The following BTG4 variants were observed in gnomAD, a reference collection of about 807,000 sequenced individuals.
BTG4 encodes protein BTG4.
A neutral mutation model predicts 19.3 loss-of-function variants in BTG4; 10 were observed. The ratio of observed to expected loss-of-function variants is 0.52; its 90% CI spans 0.32 to 0.88. The LOEUF (loss-of-function observed/expected upper bound fraction) is 0.88. Among genes scored for constraint, BTG4 ranks in the 40% least tolerant of loss-of-function variants. BTG4 has a pLI of 0.04. For synonymous variants in BTG4, 91 were observed against 95.7 expected, an observed-to-expected ratio of 0.95 and a Z score of 0.29; for missense variants, 238 against 281.9, an observed-to-expected ratio of 0.84 and a Z score of 1.11.
chr11:111,424,114 A>G, the BTG4 span, among the ~76,000 whole-genome samples: 1 of 152,176 alleles, frequency 6.6e-6, no homozygotes, highest in Non-Finnish European at 1.5e-5. Context: ...CGCAAGAAAC[A>G]TGTTCTTCAG....
At chr11:111,512,899 C>A, upstream of BTG4, 1 of 429,708 alleles carries the variant, frequency 2.3e-6, no homozygotes, top group Non-Finnish European at 4.8e-6. Flanking sequence ...CCCGCGTCGG[C>A]GCTGCGGACC....
At chr11:111,407,130 T>C in the BTG4 span, among the ~76,000 whole-genome samples, 2 of 149,194 alleles carry the variant, frequency 1.3e-5, no homozygotes, top group East Asian at 3.9e-4. Flanking sequence ...ATATACTATA[T>C]ATTATTATAT....
chr11:111,513,871 TAA>T (rs1867116709), upstream of BTG4, among the ~76,000 whole-genome samples: 1 of 152,198 alleles, frequency 6.6e-6, no homozygotes, highest in Non-Finnish European at 1.5e-5. Flanking sequence ...TTCGAAAGAA[TAA>T]AGTGCCATAA....
At chr11:111,496,892 G>GAAAAA in intron 4 of BTG4, 4 of 293,442 alleles carry the variant, frequency 1.4e-5, no homozygotes, top group Non-Finnish European at 1.9e-5. Flanking sequence ...TCAATTGACA[G>GAAAAA]AAAAAAAAAT....
At chr11:111,418,957 G>T in the BTG4 span, among the ~76,000 whole-genome samples, 1 of 152,202 alleles carries the variant, frequency 6.6e-6, no homozygotes, top group African/African-American at 2.4e-5. Context: ...CAGCGGGGTT[G>T]TTTCTTCTGG....
At chr11:111,401,872 G>A in the BTG4 span, among the ~76,000 whole-genome samples, 1 of 152,198 alleles carries the variant, frequency 6.6e-6, no homozygotes, top group African/African-American at 2.4e-5. Flanking sequence ...GTGAATGAAT[G>A]AATGAATGAA....
chr11:111,506,288 A>G (rs1591534270), intron 1 of BTG4, among the ~76,000 whole-genome samples: 1 of 152,190 alleles, frequency 6.6e-6, no homozygotes, highest in East Asian at 1.9e-4. Context: ...ACAATGGAAT[A>G]CTACACAATC....
At chr11:111,499,961 G>T (rs1047065489) in intron 1 of BTG4, among the ~76,000 whole-genome samples, 8 of 151,962 alleles carry the variant, frequency 5.3e-5, no homozygotes, top group African/African-American at 1.9e-4. Context: ...GGCCAACATG[G>T]TGAAACCCCG....
the BTG4 span, chr11:111,385,714 A>G: frequency 1.3e-5 from 2 of 152,218 alleles, no homozygotes; most frequent in African/African-American, 4.8e-5. Flanking sequence ...ATATCTAAAC[A>G]TTTGATAAAG....
the BTG4 span, chr11:111,416,082 C>T: frequency 0.029 from 4,485 of 152,284 alleles, 99 homozygotes; most frequent in Middle Eastern, 0.13. Flanking sequence ...AACATGGCAG[C>T]TCCTTTGTTG....
chr11:111,413,427 C>G, the BTG4 span, among the ~76,000 whole-genome samples: 68 of 152,252 alleles, frequency 4.5e-4, no homozygotes, highest in Non-Finnish European at 1.2e-4. Context: ...TTGGTGAATG[C>G]CCACATAGCA....
intron 5 of BTG4, among the ~76,000 whole-genome samples, chr11:111,484,654 CA>C (rs79451207): frequency 6.6e-6 from 1 of 151,512 alleles, no homozygotes; most frequent in African/African-American, 2.4e-5. Flanking sequence ...GATACACACA[CA>C]AAAAAAAAGG....
the BTG4 span, among the ~76,000 whole-genome samples, chr11:111,395,158 C>T: frequency 6.6e-6 from 1 of 152,248 alleles, no homozygotes; most frequent in African/African-American, 2.4e-5. Flanking sequence ...TGGGCTTGGC[C>T]ATCCAGCAAC....
intron 5 of BTG4, among the ~76,000 whole-genome samples, chr11:111,472,827 G>A (rs531223568): frequency 6.6e-6 from 1 of 152,304 alleles, no homozygotes; most frequent in South Asian, 2.1e-4. Context: ...CTCACAGTAG[G>A]CTTGAGATGT....
the BTG4 span, among the ~76,000 whole-genome samples, chr11:111,424,695 C>T: frequency 6.6e-5 from 10 of 152,198 alleles, no homozygotes; most frequent in African/African-American, 9.7e-5. Flanking sequence ...TAGTGGCTGA[C>T]GCCTGTAATC....
the BTG4 span, chr11:111,451,322 T>A: frequency 4.7e-6 from 2 of 429,994 alleles, no homozygotes; most frequent in Non-Finnish European, 9.7e-6. Context: ...CCCAGCTCTA[T>A]GAGCAAAGCC....
the BTG4 span, among the ~76,000 whole-genome samples, chr11:111,438,520 A>C: frequency 6.6e-6 from 1 of 152,194 alleles, no homozygotes; most frequent in Non-Finnish European, 1.5e-5. Context: ...AGCGCTTACC[A>C]AATGTTGCCA....
chr11:111,451,382 T>C, the BTG4 span: 1 of 453,208 alleles, frequency 2.2e-6, no homozygotes, highest in Non-Finnish European at 4.5e-6. Context: ...ATGTCTTTCG[T>C]CTGAGCAGCA....
the BTG4 span, among the ~76,000 whole-genome samples, chr11:111,446,149 T>C: frequency 1.3e-5 from 2 of 152,200 alleles, no homozygotes; most frequent in Non-Finnish European, 2.9e-5. Context: ...GTTGACAACG[T>C]GAACCTACTT....
Sources: allele counts gnomAD v4.1 joint callset (sites outside exome capture counted in the v4.1 genomes callset), GRCh38; gene constraint gnomAD v4.1.1; transcripts MANE v1.5; gene names NCBI Gene and HGNC (gene_info 2026-07-23, HGNC 2026-07-21).